ROS1: variants seen among roughly 807,000 people sequenced by gnomAD.
ROS1 encodes ROS proto-oncogene 1, receptor tyrosine kinase, also known as proto-oncogene tyrosine-protein kinase ROS.
A neutral mutation model predicts 273.5 loss-of-function variants in ROS1; 263 were observed. The ratio of observed to expected loss-of-function variants is 0.96; its 90% CI spans 0.87 to 1.06. The LOEUF is 1.06. Among genes scored for constraint, ROS1 ranks in the 50% least tolerant of loss-of-function variants. The pLI is 0.00. For synonymous variants in ROS1, 1,008 were observed against 954.1 expected (o/e 1.06, Z -1.04); for missense variants, 2,833 against 2,751.1 (o/e 1.03, Z -0.67).
chr6:117,379,152 G>C lies in ROS1; in HGVS notation c.2489C>G (p.Ala830Gly). The C allele has an allele frequency of 1.2e-6, 2 of 1,604,992 alleles. No individual in the cohort carries two copies. Among genetic ancestry groups the C allele is most frequent in the Non-Finnish European group, 1.7e-6 (2 of 1,172,538 alleles). Reference sequence around the variant, plus strand: ...CCCATCACTGAGGTCTAAAGTTAGAGCAATTACCTAAGTAGAAAGTAAGGT... The same window carrying C: ...CCCATCACTGAGGTCTAAAGTTAGACCAATTACCTAAGTAGAAAGTAAGGT... ...QPWFSGKKVI[A>G]LTLDLSDGLL... Residue 830 changes from alanine (A) to glycine (G), a missense_variant, in exon 18 of 44, where the codon GCT (alanine) becomes GGT (glycine). By Grantham distance (60) the Ala-to-Gly change is moderately conservative. Transcript: ENST00000368507.
chr6:117,360,459 T>A, intron 22 of ROS1, 54 bp from the exon 23 acceptor site: 3 of 1,234,850 alleles, frequency 2.4e-6, no homozygotes, highest in Non-Finnish European at 3.6e-6. Flanking sequence ...TGGCAACAAT[T>A]AAGTTCTGAG....
chr6:117,372,969 C>T (rs1257955369), intron 18 of ROS1, among the ~76,000 whole-genome samples: 1 of 152,166 alleles, frequency 6.6e-6, no homozygotes, highest in East Asian at 1.9e-4. Context: ...GCTGATTGGT[C>T]CGTTTTGATA....
intron 12 of ROS1, among the ~76,000 whole-genome samples, chr6:117,392,410 T>A (rs770219416): frequency 9.2e-5 from 14 of 152,152 alleles, no homozygotes; most frequent in South Asian, 6.2e-4. Flanking sequence ...AAAAGTTTAA[T>A]CTTACAAACA....
At chr6:117,343,133 T>C (rs1020454196) in intron 28 of ROS1, among the ~76,000 whole-genome samples, 1 of 151,908 alleles carries the variant, frequency 6.6e-6, no homozygotes, top group African/African-American at 2.4e-5. Context: ...TGAGAACCAC[T>C]GTCTTAGACC....
intron 43 of ROS1, among the ~76,000 whole-genome samples, chr6:117,295,954 G>A (rs1460683628): frequency 6.6e-6 from 1 of 152,178 alleles, no homozygotes; most frequent in African/African-American, 2.4e-5. Flanking sequence ...ACTGAAAATA[G>A]ATCTGCCATT....
chr6:117,422,055 G>A (rs1462251029), intron 1 of ROS1, among the ~76,000 whole-genome samples: 1 of 152,178 alleles, frequency 6.6e-6, no homozygotes, highest in Non-Finnish European at 1.5e-5. Flanking sequence ...GAGTCACCCA[G>A]GCTGGAGCAC....
chr6:117,316,179 A>G (rs1775904936), intron 39 of ROS1, among the ~76,000 whole-genome samples: 1 of 152,058 alleles, frequency 6.6e-6, no homozygotes, highest in South Asian at 2.1e-4. Flanking sequence ...AGGAAGTCTA[A>G]GAGAGTTAAA....
At chr6:117,325,730 A>G (rs1776583759) in intron 34 of ROS1, among the ~76,000 whole-genome samples, 1 of 152,154 alleles carries the variant, frequency 6.6e-6, no homozygotes, top group South Asian at 2.1e-4. Flanking sequence ...TACTGAGTAG[A>G]GGGAAAAATC....
chr6:117,293,212 A>T (rs1385963129), intron 43 of ROS1, among the ~76,000 whole-genome samples: 1 of 152,142 alleles, frequency 6.6e-6, no homozygotes, highest in African/African-American at 2.4e-5. Flanking sequence ...CAGAACATGG[A>T]TTTCTTCTCA....
chr6:117,336,369 G>A (rs758717662), intron 32 of ROS1, among the ~76,000 whole-genome samples: 7 of 149,320 alleles, frequency 4.7e-5, no homozygotes, highest in Non-Finnish European at 1.0e-4. Flanking sequence ...TCCCCTCCTT[G>A]TGTCCATGCG....
Position 117,366,216 on chromosome 6 carries a change from T to A in ROS1, c.2657A>T (p.Tyr886Phe), listed in dbSNP as rs749698242. The A allele has an allele frequency of 1.7e-5, 27 of 1,613,996 alleles. No individual in the cohort carries two copies. Among genetic ancestry groups the A allele is most frequent in the Non-Finnish European group, 1.9e-5 (23 of 1,179,990 alleles). Residue 886 changes from tyrosine to phenylalanine, a missense_variant, in exon 19 of 44, where the codon TAT becomes TTT. Coordinates refer to ENST00000368507, the MANE Select transcript of ROS1 (RefSeq NM_001378902.1). ...ATTGATCCAGAACAGCCGACCACTA[T>A]AGTACATCAGTGCATTCTGGGAAAT... ...SEISQNALMYYSGRLFWINGF... is the reference protein window; with the variant it reads ...SEISQNALMYFSGRLFWINGF...
chr6:117,376,119 A>T (rs1050629589), intron 18 of ROS1, among the ~76,000 whole-genome samples: 1 of 152,154 alleles, frequency 6.6e-6, no homozygotes, highest in African/African-American at 2.4e-5. Flanking sequence ...TTATTTGAAA[A>T]GATAAATAAA....
chr6:117,294,508 G>C (rs1208438677), intron 43 of ROS1, among the ~76,000 whole-genome samples: 1 of 152,032 alleles, frequency 6.6e-6, no homozygotes, highest in African/African-American at 2.4e-5. Flanking sequence ...TCTTGGATTT[G>C]GCTTGCCAGT....
At chr6:117,299,664 A>G (rs1003625986) in intron 43 of ROS1, 7 of 152,242 alleles carry the variant, frequency 4.6e-5, no homozygotes, top group African/African-American at 1.7e-4. Context: ...GTTGCGATCC[A>G]TCTTGCCAGT....
chr6:117,422,617 A>G (rs952117385), intron 1 of ROS1, among the ~76,000 whole-genome samples: 8 of 152,090 alleles, frequency 5.3e-5, no homozygotes, highest in Non-Finnish European at 1.0e-4. Flanking sequence ...TCATGTCTGT[A>G]CATTAATTTT....
chr6:117,399,135 C>T (rs910574602), intron 7 of ROS1, among the ~76,000 whole-genome samples: 1 of 152,170 alleles, frequency 6.6e-6, no homozygotes, highest in Non-Finnish European at 1.5e-5. Flanking sequence ...ATAAGAAGGA[C>T]ACCCATGTAG....
At chr6:117,396,144 C>T in intron 9 of ROS1, 44 bp downstream of exon 9, 1 of 1,510,488 alleles carries the variant, frequency 6.6e-7, no homozygotes, top group Non-Finnish European at 9.2e-7. Context: ...CCACCCTTGC[C>T]ACCCTCATTC....
chr6:117,295,266 G>A (rs1179313730), intron 43 of ROS1, among the ~76,000 whole-genome samples: 1 of 152,184 alleles, frequency 6.6e-6, no homozygotes, highest in Non-Finnish European at 1.5e-5. Flanking sequence ...AAATGCTGCT[G>A]TGAAAACTGG....
intron 9 of ROS1, 150 bp downstream of exon 9, chr6:117,396,038 G>A: frequency 2.2e-6 from 1 of 457,210 alleles, no homozygotes; most frequent in Non-Finnish European, 4.0e-6. Context: ...CATTTAAAAT[G>A]GAAAACTTAA....
Sources: gnomAD v4.1 joint callset for allele counts (sites outside exome capture counted in the v4.1 genomes callset) on GRCh38, gnomAD v4.1.1 for gene constraint, MANE v1.5 for transcripts, NCBI Gene and HGNC (gene_info 2026-07-23, HGNC 2026-07-21) for gene names.